Variants in DPP10 observed in about 807,000 individuals in gnomAD.
DPP10 encodes dipeptidyl peptidase like 10.
In DPP10, 33 loss-of-function variants were observed where a neutral mutation model predicts 120.9. The observed-to-expected ratio is 0.27, with a 90% CI of 0.21 to 0.37. The LOEUF (loss-of-function observed/expected upper bound fraction) is 0.37, where lower values mean the gene tolerates loss of function less well. DPP10 is among the 10% of genes least tolerant of loss of function. The pLI, the probability that DPP10 is intolerant of heterozygous loss-of-function variation, is 1.00. For synonymous variants in DPP10, 337 were observed against 326.1 expected, an observed-to-expected ratio of 1.03 and a Z score of -0.36; for missense variants, 816 against 942.8, an observed-to-expected ratio of 0.87 and a Z score of 1.76.
At chr2:115,831,312 G>A (rs1034095873) in intron 21 of DPP10, among the ~76,000 whole-genome samples, 3 of 152,000 alleles carry the variant, frequency 2.0e-5, no homozygotes, top group African/African-American at 7.2e-5. Flanking sequence ...GCAGTGGCGC[G>A]ATTTCAGCTC....
At chr2:114,806,885 C>G (rs1684775810) in intron 1 of DPP10, among the ~76,000 whole-genome samples, 1 of 152,136 alleles carries the variant, frequency 6.6e-6, no homozygotes, top group African/African-American at 2.4e-5. Context: ...ATCCCATTCT[C>G]TCTTCTTCCA....
At chr2:114,612,225 G>A (rs983879586) in intron 1 of DPP10, among the ~76,000 whole-genome samples, 8 of 152,060 alleles carry the variant, frequency 5.3e-5, no homozygotes, top group African/African-American at 1.9e-4. Flanking sequence ...GACTTCTTAT[G>A]CCTTTGAGTC....
intron 3 of DPP10, among the ~76,000 whole-genome samples, chr2:115,476,608 C>T (rs1574959429): frequency 6.6e-6 from 1 of 152,082 alleles, no homozygotes; most frequent in South Asian, 2.1e-4. Flanking sequence ...ATCATGAGGA[C>T]AGCACCAAGG....
At chr2:115,767,965 T>C (rs546454373) in intron 12 of DPP10, among the ~76,000 whole-genome samples, 1 of 152,126 alleles carries the variant, frequency 6.6e-6, no homozygotes, top group Admixed American at 6.6e-5. Context: ...TGAAGGATAT[T>C]TCACTAAACA....
intron 1 of DPP10, among the ~76,000 whole-genome samples, chr2:115,179,101 G>A (rs2053900882): frequency 6.6e-6 from 1 of 152,158 alleles, no homozygotes; most frequent in Admixed American, 6.5e-5. Flanking sequence ...ATTTTAATAA[G>A]TTGAAAATAA....
chr2:115,010,661 A>G (rs1287249448), intron 1 of DPP10, among the ~76,000 whole-genome samples: 1 of 152,220 alleles, frequency 6.6e-6, no homozygotes, highest in Admixed American at 6.5e-5. Flanking sequence ...GCCACATATC[A>G]TATCTGGAAA....
chr2:114,887,451 C>A (rs1389533832), intron 1 of DPP10, among the ~76,000 whole-genome samples: 1 of 152,180 alleles, frequency 6.6e-6, no homozygotes, highest in Non-Finnish European at 1.5e-5. Context: ...AGTTTTACAA[C>A]TATTCAGTTA....
chr2:114,944,275 T>G (rs1160697989), intron 1 of DPP10, among the ~76,000 whole-genome samples: 1 of 152,162 alleles, frequency 6.6e-6, no homozygotes, highest in African/African-American at 2.4e-5. Flanking sequence ...ATAATATGAT[T>G]CATTATTACA....
At chr2:114,724,794 T>C (rs1023264430) in intron 1 of DPP10, among the ~76,000 whole-genome samples, 2 of 152,100 alleles carry the variant, frequency 1.3e-5, no homozygotes, top group African/African-American at 4.8e-5. Context: ...CCAATCAGAG[T>C]TGTAGTGATC....
chr2:115,399,511 ATAAG>A (rs2067911506), intron 3 of DPP10, among the ~76,000 whole-genome samples: 1 of 152,174 alleles, frequency 6.6e-6, no homozygotes, highest in African/African-American at 2.4e-5. Context: ...CAAAATTGTA[ATAAG>A]TCAAGGAACA....
chr2:115,788,738 GAAAC>G (rs1401954878), intron 17 of DPP10, among the ~76,000 whole-genome samples: 4 of 152,066 alleles, frequency 2.6e-5, no homozygotes, highest in Admixed American at 6.5e-5. Flanking sequence ...CCTCACAAAG[GAAAC>G]TCCAGATGCA....
intron 1 of DPP10, among the ~76,000 whole-genome samples, chr2:114,447,980 T>A (rs1468117691): frequency 6.6e-6 from 1 of 152,218 alleles, no homozygotes; most frequent in Non-Finnish European, 1.5e-5. Context: ...TAGGACCATC[T>A]GCTAATGACA....
chr2:115,799,432 T>C (rs2149958486), intron 19 of DPP10, among the ~76,000 whole-genome samples: 1 of 152,182 alleles, frequency 6.6e-6, no homozygotes, highest in South Asian at 2.1e-4. Flanking sequence ...TATTTTTTCT[T>C]TTTTTATTAA....
intron 17 of DPP10, among the ~76,000 whole-genome samples, chr2:115,789,191 CA>C (rs548158084): frequency 6.6e-6 from 1 of 151,364 alleles, no homozygotes; most frequent in Non-Finnish European, 1.5e-5. Flanking sequence ...ATTAAGAGGA[CA>C]AAAAAAAGAT....
chr2:114,665,081 C>T (rs917751936), intron 1 of DPP10, among the ~76,000 whole-genome samples: 13 of 152,188 alleles, frequency 8.5e-5, no homozygotes, highest in Non-Finnish European at 1.2e-4. Context: ...CCCCTGAAAT[C>T]GCATAGGTCT....
At chr2:114,639,495 C>T (rs1469861454) in intron 1 of DPP10, among the ~76,000 whole-genome samples, 2 of 151,712 alleles carry the variant, frequency 1.3e-5, no homozygotes, top group African/African-American at 2.4e-5. Flanking sequence ...TTAGAGACAC[C>T]TAGAGTAGGG....
chr2:115,032,135 A>G (rs1005053328), intron 1 of DPP10, among the ~76,000 whole-genome samples: 4 of 152,204 alleles, frequency 2.6e-5, no homozygotes, highest in African/African-American at 7.2e-5. Flanking sequence ...TGCTAACAAT[A>G]GAAGAAAATA....
At chr2:115,406,707 T>A (rs1357017) in intron 3 of DPP10, among the ~76,000 whole-genome samples, 1,922 of 152,176 alleles carry the variant, frequency 0.013, 49 homozygotes, top group African/African-American at 0.044. Flanking sequence ...GAGGGATCTT[T>A]TAATTAAAAA....
intron 1 of DPP10, among the ~76,000 whole-genome samples, chr2:115,208,146 A>C (rs1179075970): frequency 6.6e-6 from 1 of 151,978 alleles, no homozygotes; most frequent in Non-Finnish European, 1.5e-5. Context: ...CAAAGCTAGA[A>C]TCACAATCCA....
Sources: gnomAD v4.1 joint callset for allele counts (sites outside exome capture counted in the v4.1 genomes callset) on GRCh38, gnomAD v4.1.1 for gene constraint, MANE v1.5 for transcripts, NCBI Gene and HGNC (gene_info 2026-07-23, HGNC 2026-07-21) for gene names.